MIPEP: variants seen among roughly 807,000 people sequenced by gnomAD.
The protein encoded by MIPEP is mitochondrial intermediate peptidase.
MIPEP carries 79 observed loss-of-function variants against 90.3 expected under a neutral mutation model. The ratio of observed to expected loss-of-function variants is 0.87; its 90% CI spans 0.73 to 1.05. MIPEP has a LOEUF of 1.05. MIPEP is among the 50% of genes least tolerant of loss of function. The pLI is 0.00. For synonymous variants in MIPEP, 334 were observed against 315.8 expected (o/e 1.06, Z -0.61); for missense variants, 940 against 905.6 (o/e 1.04, Z -0.49).
At chr13:23,886,832 AATAT>A (rs3077102) in intron 1 of MIPEP, among the ~76,000 whole-genome samples, 1 of 149,542 alleles carries the variant, frequency 6.7e-6, no homozygotes, top group Non-Finnish European at 1.5e-5. Context: ...CATATATGTA[AATAT>A]ATATATATAT....
Position 23,821,198 on chromosome 13 carries a change from A to G in MIPEP, c.1654-11274T>C, listed in dbSNP as rs147257554. Among the ~76,000 whole-genome samples the G allele has an allele frequency of 3.2e-4, 48 of 152,212 alleles. 2 individuals carry two copies. The highest frequency in any genetic ancestry group is 1.2e-4 in the Non-Finnish European group (8 of 68,034). On this transcript the variant is annotated intron_variant, in intron 14 of 18. Transcript: ENST00000382172. Reference sequence around the variant, plus strand: ...TTGCAATCTGCAACCTTTACAAACTATCTTACTATAGAGTTGTTCAGAAAC... The same window carrying G: ...TTGCAATCTGCAACCTTTACAAACTGTCTTACTATAGAGTTGTTCAGAAAC...
Position 23,806,022 on chromosome 13 carries a change from C to T in MIPEP, c.1776G>A (p.Leu592=). The T allele has an allele frequency of 6.2e-7, 1 of 1,613,930 alleles. No individual in the cohort carries two copies. Among genetic ancestry groups the T allele is most frequent in the Non-Finnish European group, 8.5e-7 (1 of 1,179,870 alleles). Residue 592 remains leucine, a synonymous_variant, in exon 16 of 19, where the codon CTG becomes CTA. Transcript: ENST00000382172. The part of the protein sequence containing the change: ...LDQIYHGKHP[L]RNSTTDILKE... ...TGAGAATGTCTGTGGTTGAATTCCT[C>T]AGGGGATGCTTCCCATGGTAGATTT...
chr13:23,814,854 T>C (rs1253035816), intron 14 of MIPEP, among the ~76,000 whole-genome samples: 2 of 152,190 alleles, frequency 1.3e-5, no homozygotes, highest in Non-Finnish European at 2.9e-5. Flanking sequence ...GCATTTCAAA[T>C]TCCTATGATT....
chr13:23,853,431 A>G (rs1239143811), intron 10 of MIPEP, among the ~76,000 whole-genome samples: 1 of 152,188 alleles, frequency 6.6e-6, no homozygotes, highest in Non-Finnish European at 1.5e-5. Context: ...CAGTATGGTA[A>G]CATTCTGTGC....
At chr13:23,828,908 T>C (rs956774759) in intron 14 of MIPEP, among the ~76,000 whole-genome samples, 2 of 151,990 alleles carry the variant, frequency 1.3e-5, no homozygotes, top group Admixed American at 6.6e-5. Flanking sequence ...TCAAGGCTTA[T>C]TATTACTTAT....
At chr13:23,828,118 C>T (rs1868553516) in intron 14 of MIPEP, among the ~76,000 whole-genome samples, 1 of 152,144 alleles carries the variant, frequency 6.6e-6, no homozygotes, top group Admixed American at 6.5e-5. Context: ...CAGGAAAAAA[C>T]TATGATAAAA....
At chr13:23,851,597 C>T (rs1869802139) in intron 10 of MIPEP, among the ~76,000 whole-genome samples, 1 of 152,222 alleles carries the variant, frequency 6.6e-6, no homozygotes, top group Non-Finnish European at 1.5e-5. Flanking sequence ...GGGAAACCCT[C>T]ATCGCAGACT....
At chr13:23,831,383 C>CGGGGGGGCGGGGGGGGGGGGGGGG (rs1555237516) in intron 14 of MIPEP, among the ~76,000 whole-genome samples, 4 of 40,854 alleles carry the variant, frequency 9.8e-5, no homozygotes, top group African/African-American at 3.4e-4. Context: ...TTCCCCATGG[C>CGGGGGGGCGGGGGGGGGGGGGGGG]GGGGGGGGGA....
intron 9 of MIPEP, among the ~76,000 whole-genome samples, chr13:23,861,336 T>C (rs1870295352): frequency 6.6e-6 from 1 of 152,204 alleles, no homozygotes; most frequent in African/African-American, 2.4e-5. Flanking sequence ...GTTTCTATAG[T>C]CACCAAACTA....
In MIPEP at chr13:23,742,313, G is replaced by C. The variant is rs1051284385; in HGVS notation, c.2045-11868C>G. On this transcript the variant is annotated intron_variant, in intron 18 of 18. Transcript: ENST00000382172. The stretch of plus-strand genomic sequence containing the variant: ...AGAAGGCAATATATCCTGATGGTTA[G>C]AGCAAGGGTTTAGTAAGAGATTACC... 2.0e-5 allele frequency among the ~76,000 whole-genome samples: 3 copies of C among 151,938 alleles called. No individual in the cohort carries two copies. In the East Asian group the frequency reaches 5.8e-4, roughly 29 times the overall value.
At chr13:23,859,730 T>C (rs528366833) in intron 9 of MIPEP, among the ~76,000 whole-genome samples, 1 of 152,360 alleles carries the variant, frequency 6.6e-6, no homozygotes, top group South Asian at 2.1e-4. Context: ...CAAAGAAGAC[T>C]GCTGAATGTA....
chr13:23,834,967 A>C (rs775535004), intron 14 of MIPEP, among the ~76,000 whole-genome samples: 3 of 152,116 alleles, frequency 2.0e-5, no homozygotes, highest in Non-Finnish European at 2.9e-5. Flanking sequence ...GTAATAACTG[A>C]AATATATTAT....
At chr13:23,785,765 A>T (rs969651796) in intron 16 of MIPEP, among the ~76,000 whole-genome samples, 2 of 152,202 alleles carry the variant, frequency 1.3e-5, no homozygotes, top group African/African-American at 4.8e-5. Context: ...CATATTAAAA[A>T]TCCATCAACA....
chr13:23,759,324 C>G (rs891445463), intron 17 of MIPEP, among the ~76,000 whole-genome samples: 4 of 151,990 alleles, frequency 2.6e-5, no homozygotes, highest in African/African-American at 9.7e-5. Context: ...ACCCTCGCAC[C>G]CTTCACCCAG....
At chr13:23,798,950 A>G (rs1007932999) in intron 16 of MIPEP, among the ~76,000 whole-genome samples, 1 of 150,696 alleles carries the variant, frequency 6.6e-6, no homozygotes, top group Non-Finnish European at 1.5e-5. Flanking sequence ...ATTAATACAT[A>G]TAATACATCC....
intron 2 of MIPEP, 82 bp downstream of exon 2, chr13:23,886,251 G>A (rs117437556): frequency 1.4e-4 from 164 of 1,134,484 alleles, no homozygotes; most frequent in Non-Finnish European, 1.8e-4. Context: ...AATATTAATA[G>A]TAAACAACAA....
intron 18 of MIPEP, among the ~76,000 whole-genome samples, chr13:23,752,514 A>C (rs9510844): frequency 0.17 from 25,700 of 152,186 alleles, 2,291 homozygotes; most frequent in South Asian, 0.23. Flanking sequence ...TACTTAACAA[A>C]TATTCTAGTA....
At chr13:23,746,716 T>C (rs1452733235) in intron 18 of MIPEP, among the ~76,000 whole-genome samples, 3 of 152,000 alleles carry the variant, frequency 2.0e-5, no homozygotes, top group African/African-American at 7.2e-5. Context: ...GATGTTTCCA[T>C]TCAGCACTCA....
intron 16 of MIPEP, among the ~76,000 whole-genome samples, chr13:23,784,476 C>T (rs1037374281): frequency 3.3e-5 from 5 of 152,226 alleles, no homozygotes; most frequent in South Asian, 4.1e-4. Flanking sequence ...ACACCTTATA[C>T]AAAAATTAAT....
Sources: allele counts gnomAD v4.1 joint callset (sites outside exome capture counted in the v4.1 genomes callset), GRCh38; gene constraint gnomAD v4.1.1; transcripts MANE v1.5; gene names NCBI Gene and HGNC (gene_info 2026-07-23, HGNC 2026-07-21).